Variants in NKAIN2 observed in about 807,000 individuals in gnomAD.
NKAIN2 encodes the protein sodium/potassium-transporting ATPase subunit beta-1-interacting protein 2.
A neutral mutation model predicts 32.6 loss-of-function variants in NKAIN2; 14 were observed. That is an observed-to-expected ratio of 0.43 (90% CI 0.28 to 0.67). The LOEUF is 0.67. NKAIN2 is among the 30% of genes least tolerant of loss of function. The pLI is 0.17. For synonymous variants in NKAIN2, 80 were observed against 87.2 expected, an observed-to-expected ratio of 0.92 and a Z score of 0.46; for missense variants, 198 against 258.3, an observed-to-expected ratio of 0.77 and a Z score of 1.60.
intron 3 of NKAIN2, among the ~76,000 whole-genome samples, chr6:124,622,658 A>G (rs1352806909): frequency 6.6e-6 from 1 of 152,176 alleles, no homozygotes; most frequent in African/African-American, 2.4e-5. Context: ...ATTATTGAGT[A>G]GTAGAGGTGG....
At chr6:124,701,206 C>T (rs1774774954) in intron 4 of NKAIN2, among the ~76,000 whole-genome samples, 1 of 151,120 alleles carries the variant, frequency 6.6e-6, no homozygotes, top group Non-Finnish European at 1.5e-5. Context: ...AAAAACTGAG[C>T]TAAAACTTTG....
intron 1 of NKAIN2, among the ~76,000 whole-genome samples, chr6:124,219,727 G>A (rs572459828): frequency 4.6e-5 from 7 of 152,226 alleles, no homozygotes; most frequent in African/African-American, 1.7e-4. Context: ...GGTATTTCCT[G>A]AGTCCTAAAG....
chr6:124,371,007 A>T (rs1480943342), intron 3 of NKAIN2, among the ~76,000 whole-genome samples: 1 of 152,170 alleles, frequency 6.6e-6, no homozygotes, highest in Admixed American at 6.6e-5. Flanking sequence ...GCATTTCTGC[A>T]GTGTGTTAAC....
At chr6:124,081,153 T>C (rs1783951005) in intron 1 of NKAIN2, among the ~76,000 whole-genome samples, 1 of 152,112 alleles carries the variant, frequency 6.6e-6, no homozygotes, top group South Asian at 2.1e-4. Context: ...CTTTTAAAGA[T>C]TTTTGTCTGC....
At chr6:124,398,352 T>A (rs924796190) in intron 3 of NKAIN2, among the ~76,000 whole-genome samples, 2 of 151,044 alleles carry the variant, frequency 1.3e-5, no homozygotes, top group African/African-American at 4.9e-5. Context: ...CAGGTAGAAT[T>A]TAAGTGGGCT....
intron 4 of NKAIN2, among the ~76,000 whole-genome samples, chr6:124,756,106 T>C (rs374057558): frequency 3.6e-4 from 55 of 152,172 alleles, no homozygotes; most frequent in African/African-American, 1.3e-3. Flanking sequence ...TGCCTGTCTT[T>C]CAGCATACTA....
At chr6:124,110,291 CA>C (rs1350764955) in intron 1 of NKAIN2, among the ~76,000 whole-genome samples, 4 of 151,934 alleles carry the variant, frequency 2.6e-5, no homozygotes, top group Admixed American at 2.6e-4. Flanking sequence ...CTGATCATTT[CA>C]AAAGACACAT....
At chr6:124,653,788 C>G (rs1784448070) in intron 3 of NKAIN2, among the ~76,000 whole-genome samples, 1 of 152,032 alleles carries the variant, frequency 6.6e-6, no homozygotes, top group Admixed American at 6.6e-5. Context: ...GTATTTTAAT[C>G]TATATTTTAA....
intron 3 of NKAIN2, among the ~76,000 whole-genome samples, chr6:124,575,790 A>G (rs1781309962): frequency 6.6e-6 from 1 of 152,128 alleles, no homozygotes; most frequent in Non-Finnish European, 1.5e-5. Context: ...TAATCTCCTT[A>G]CTTTTTCAAT....
intron 5 of NKAIN2, among the ~76,000 whole-genome samples, chr6:124,797,358 A>G (rs1374108688): frequency 6.6e-6 from 1 of 152,188 alleles, no homozygotes; most frequent in East Asian, 1.9e-4. Context: ...GTATTTGCAA[A>G]TGTTGTTTAA....
chr6:124,208,681 C>T (rs546235825), intron 1 of NKAIN2, among the ~76,000 whole-genome samples: 53 of 151,050 alleles, frequency 3.5e-4, no homozygotes, highest in African/African-American at 1.2e-3. Context: ...CAAAATATAT[C>T]TTTATTGTAT....
intron 1 of NKAIN2, among the ~76,000 whole-genome samples, chr6:124,022,767 A>G (rs1234894330): frequency 1.3e-5 from 2 of 152,158 alleles, no homozygotes; most frequent in South Asian, 2.1e-4. Context: ...ATAAGATCCA[A>G]TTATAGCTAA....
At chr6:123,948,537 A>G (rs1035934122) in intron 1 of NKAIN2, among the ~76,000 whole-genome samples, 15 of 144,692 alleles carry the variant, frequency 1.0e-4, no homozygotes, top group Non-Finnish European at 1.2e-4. Context: ...ATTTTTTCAT[A>G]TACCTGTTGG....
chr6:124,475,869 A>T (rs1482541706), intron 3 of NKAIN2, among the ~76,000 whole-genome samples: 1 of 152,224 alleles, frequency 6.6e-6, no homozygotes, highest in Non-Finnish European at 1.5e-5. Context: ...CAAAATAAAT[A>T]AATAAATAAA....
intron 1 of NKAIN2, among the ~76,000 whole-genome samples, chr6:124,248,737 A>G (rs1339870454): frequency 6.6e-6 from 1 of 152,138 alleles, no homozygotes; most frequent in Non-Finnish European, 1.5e-5. Context: ...CTGGGCATAT[A>G]TATAATAAGC....
intron 3 of NKAIN2, among the ~76,000 whole-genome samples, chr6:124,503,449 A>C (rs1165523570): frequency 1.3e-5 from 2 of 152,138 alleles, no homozygotes; most frequent in Admixed American, 1.3e-4. Context: ...ATAGCCCGAA[A>C]GTAGCTTAAA....
chr6:124,800,395 A>C (rs1290611481), intron 5 of NKAIN2, among the ~76,000 whole-genome samples: 1 of 152,162 alleles, frequency 6.6e-6, no homozygotes, highest in Non-Finnish European at 1.5e-5. Context: ...CTGGAGGCAA[A>C]CCCTCAATCC....
intron 5 of NKAIN2, among the ~76,000 whole-genome samples, chr6:124,804,923 C>T (rs994825297): frequency 3.6e-4 from 55 of 152,250 alleles, no homozygotes; most frequent in Non-Finnish European, 6.3e-4. Context: ...AACTGCAAGG[C>T]GGCAGCGAGG....
intron 4 of NKAIN2, among the ~76,000 whole-genome samples, chr6:124,737,479 C>T (rs1777006279): frequency 6.6e-6 from 1 of 151,762 alleles, no homozygotes; most frequent in Non-Finnish European, 1.5e-5. Context: ...AGAAACTACC[C>T]AGTCTTGACT....
Sources: allele counts gnomAD v4.1 joint callset (sites outside exome capture counted in the v4.1 genomes callset), GRCh38; gene constraint gnomAD v4.1.1; transcripts MANE v1.5; gene names NCBI Gene and HGNC (gene_info 2026-07-23, HGNC 2026-07-21).